Variants in LRPPRC observed in about 807,000 individuals in gnomAD.
LRPPRC encodes the protein leucine-rich PPR motif-containing protein, mitochondrial.
LRPPRC carries 120 observed loss-of-function variants against 180.3 expected under a neutral mutation model. The observed-to-expected ratio is 0.67, with a 90% confidence interval of 0.57 to 0.77. The LOEUF (loss-of-function observed/expected upper bound fraction) is 0.77. Among genes scored for constraint, LRPPRC ranks in the 30% least tolerant of loss-of-function variants. LRPPRC has a pLI of 0.00. For synonymous variants in LRPPRC, 723 were observed against 600.0 expected (o/e 1.21, Z -3.00); for missense variants, 2,012 against 1,657.2 (o/e 1.21, Z -3.72).
intron 14 of LRPPRC, among the ~76,000 whole-genome samples, chr2:43,953,844 C>T (rs1404703873): frequency 1.3e-5 from 2 of 152,288 alleles, no homozygotes; most frequent in Non-Finnish European, 2.9e-5. Flanking sequence ...GGGCTTCTTC[C>T]ACTACAATAG....
intron 1 of LRPPRC, among the ~76,000 whole-genome samples, chr2:43,992,820 T>G (rs1031783562): frequency 6.6e-6 from 1 of 152,112 alleles, no homozygotes; most frequent in African/African-American, 2.4e-5. Context: ...GGGGTCCAAT[T>G]TGAGCTGTGT....
At chr2:43,923,549 C>A (rs1184277351) in intron 27 of LRPPRC, among the ~76,000 whole-genome samples, 1 of 152,098 alleles carries the variant, frequency 6.6e-6, no homozygotes, top group African/African-American at 2.4e-5. Context: ...TGGCTGGCCA[C>A]CTCTCACCTG....
At chr2:43,962,628 A>G (rs773815999) in intron 12 of LRPPRC, among the ~76,000 whole-genome samples, 7 of 152,180 alleles carry the variant, frequency 4.6e-5, no homozygotes, top group Non-Finnish European at 8.8e-5. Context: ...CACTGTCCCA[A>G]TCAACATCTT....
Position 43,945,284 on chromosome 2 carries a change from G to C in LRPPRC, c.2296+48C>G, listed in dbSNP as rs762952978. The C allele has an allele frequency of 2.3e-5, 28 of 1,208,146 alleles. 1 individual carries two copies. Among genetic ancestry groups the C allele is most frequent in the Non-Finnish European group, 1.2e-5 (10 of 809,990 alleles). 74.8% of individuals were successfully genotyped at this position (1,208,146 alleles called of 1,614,324 possible). A position where few individuals can be genotyped will look rare whatever the true frequency, so the allele number is the denominator to read the frequency against. On this transcript the variant is annotated intron_variant, in intron 22 of 37. Coordinates refer to ENST00000260665, the MANE Select transcript of LRPPRC (RefSeq NM_133259.4). ...TAATATCAATTCACATGTTATTCCA[G>C]TGGCAAGATACTTGCATCACATATT... is the stretch of plus-strand genomic sequence containing the variant.
chr2:43,948,047 A>G, intron 18 of LRPPRC, 75 bp downstream of exon 18: 2 of 1,059,378 alleles, frequency 1.9e-6, no homozygotes, highest in Non-Finnish European at 2.9e-6. Context: ...AAAGCATCAT[A>G]TTTAAATAAA....
intron 11 of LRPPRC, among the ~76,000 whole-genome samples, chr2:43,971,694 A>G (rs1345209235): frequency 6.6e-6 from 1 of 151,892 alleles, no homozygotes; most frequent in Admixed American, 6.6e-5. Flanking sequence ...GATTTCTACC[A>G]TTTTATACGT....
chr2:43,967,419 A>C (rs1673609807), intron 11 of LRPPRC, among the ~76,000 whole-genome samples: 1 of 152,252 alleles, frequency 6.6e-6, no homozygotes, highest in African/African-American at 2.4e-5. Flanking sequence ...ATATAGATTT[A>C]GCTACACAAT....
chr2:43,982,206 G>T, intron 2 of LRPPRC, 32 bp downstream of exon 2: 1 of 1,504,044 alleles, frequency 6.6e-7, no homozygotes, highest in Non-Finnish European at 8.9e-7. Context: ...CCAGCCAAAA[G>T]TCAACTTTAT....
chr2:43,964,971 A>T (rs1673491946), intron 11 of LRPPRC, among the ~76,000 whole-genome samples: 1 of 152,182 alleles, frequency 6.6e-6, no homozygotes, highest in Admixed American at 6.5e-5. Flanking sequence ...GCTTGAGCCC[A>T]GGAGGTCAAG....
intron 27 of LRPPRC, among the ~76,000 whole-genome samples, chr2:43,921,657 G>C (rs764208942): frequency 6.6e-6 from 1 of 152,142 alleles, no homozygotes; most frequent in Non-Finnish European, 1.5e-5. Flanking sequence ...TGAGATAAGC[G>C]GTTAGGGGGT....
At chr2:43,917,970 C>A in intron 29 of LRPPRC, 55 bp downstream of exon 29, 4 of 1,263,978 alleles carry the variant, frequency 3.2e-6, no homozygotes, top group Non-Finnish European at 3.5e-6. Flanking sequence ...CCCCACACTG[C>A]TATTAGAAAG....
chr2:43,937,150 AAT>A (rs1272689406), intron 23 of LRPPRC, among the ~76,000 whole-genome samples: 5 of 152,178 alleles, frequency 3.3e-5, no homozygotes, highest in Non-Finnish European at 7.3e-5. Flanking sequence ...GCGACACGTT[AAT>A]AGTCTTTGGT....
intron 35 of LRPPRC, 104 bp from the exon 36 acceptor site, chr2:43,894,733 C>T (rs1278857292): frequency 8.4e-6 from 6 of 712,258 alleles, no homozygotes; most frequent in East Asian, 2.6e-5. Flanking sequence ...ATAATTATAA[C>T]AGAACTACCT....
At position 43,901,404 on chromosome 2, in the gene LRPPRC, T is replaced by C; in HGVS notation, c.3485A>G (p.Gln1162Arg). The C allele has an allele frequency of 3.1e-6, 5 of 1,613,888 alleles. No individual in the cohort carries two copies. The highest frequency in any genetic ancestry group is 1.1e-5 in the South Asian group (1 of 91,080). The change falls in exon 32 of 38, where the codon CAG becomes CGG. Residue 1162 changes from glutamine (Q) to arginine (R), a missense_variant. Coordinates refer to ENST00000260665, the MANE Select transcript of LRPPRC (RefSeq NM_133259.4). ...KGDVENIEVV[Q>R]KMLNGLEDSI... ...GTCTTCGAGTCCATTTAACATCTTC[T>C]GAACTACTTCTATGTTTTCAACATC...
chr2:43,990,429 C>CTT (rs1345698053), intron 1 of LRPPRC, among the ~76,000 whole-genome samples: 1 of 152,148 alleles, frequency 6.6e-6, no homozygotes, highest in Non-Finnish European at 1.5e-5. Context: ...CCCCACGTTC[C>CTT]TATAATCTAC....
intron 12 of LRPPRC, among the ~76,000 whole-genome samples, chr2:43,962,290 T>C (rs1673379347): frequency 6.6e-6 from 1 of 152,182 alleles, no homozygotes; most frequent in African/African-American, 2.4e-5. Context: ...CAGTAAAATA[T>C]GTATAGTACA....
intron 7 of LRPPRC, 32 bp from the exon 8 acceptor site, chr2:43,974,790 G>C: frequency 6.2e-7 from 1 of 1,604,130 alleles, no homozygotes; most frequent in South Asian, 1.1e-5. Context: ...AGAAGACAAA[G>C]TTAGAGTGTT....
At chr2:43,963,221 G>T (rs1458466107) in intron 12 of LRPPRC, among the ~76,000 whole-genome samples, 1 of 152,158 alleles carries the variant, frequency 6.6e-6, no homozygotes, top group Non-Finnish European at 1.5e-5. Context: ...GAGGCAGGTG[G>T]ATCACCTGAG....
chr2:43,918,196 A>C (rs1671546041), intron 28 of LRPPRC, 60 bp downstream of exon 28: 48 of 1,593,716 alleles, frequency 3.0e-5, no homozygotes, highest in Non-Finnish European at 4.0e-5. Context: ...AAAGTAGGCT[A>C]ATCTATAACC....
Sources: gnomAD v4.1 joint callset for allele counts (sites outside exome capture counted in the v4.1 genomes callset) on GRCh38, gnomAD v4.1.1 for gene constraint, MANE v1.5 for transcripts, NCBI Gene and HGNC (gene_info 2026-07-23, HGNC 2026-07-21) for gene names.